The following CTU2 variants were observed in gnomAD, a reference collection of about 807,000 sequenced individuals.
CTU2 encodes cytosolic thiouridylase subunit 2.
CTU2 carries 80 observed loss-of-function variants against 64.1 expected under a neutral mutation model. The ratio of observed to expected loss-of-function variants is 1.25; its 90% CI spans 1.04 to 1.50. The LOEUF (loss-of-function observed/expected upper bound fraction) is 1.50. CTU2 is among the 40% of genes most tolerant of loss of function. The probability of loss-of-function intolerance (pLI) is 0.00; values close to 1 mark genes in which losing one functional copy is unlikely to be tolerated. For synonymous variants in CTU2, 482 were observed against 285.3 expected (o/e 1.69, Z -6.95); for missense variants, 1,110 against 690.2 (o/e 1.61, Z -6.81).
At chr16:88,706,729 G>C (rs1022239059) in intron 1 of CTU2, 131 bp downstream of exon 1, 1 of 641,286 alleles carries the variant, frequency 1.6e-6, no homozygotes, top group South Asian at 2.7e-5. Flanking sequence ...CTAGCACTCG[G>C]GGAATGCCTG....
At chr16:88,708,136 C>T (rs1235329320) in intron 2 of CTU2, among the ~76,000 whole-genome samples, 2 of 152,164 alleles carry the variant, frequency 1.3e-5, no homozygotes, top group African/African-American at 2.4e-5. Context: ...TCTTTAACCA[C>T]CCAGGAGCAT....
intron 5 of CTU2, 146 bp from the exon 6 acceptor site, chr16:88,712,128 A>G (rs1269956690): frequency 2.1e-5 from 16 of 756,998 alleles, no homozygotes; most frequent in Non-Finnish European, 3.7e-5. Context: ...TGCCCAAAGG[A>G]AAATGGCCGA....
At position 88,713,439 on chromosome 16, in the gene CTU2, TGGG is replaced by T; in HGVS notation, c.866_868del (p.Trp289_Asp290delinsTyr). ...GCTGGGTCGAGGGGCCTTCCTGGCC[TGGG>T]ATACGGTAGGCAGGGGCCTGGGTGT... On this transcript the variant is annotated inframe_deletion, in exon 8 of 15. Transcript: ENST00000453996. The T allele has an allele frequency of 6.3e-7, 1 of 1,578,300 alleles. No individual in the cohort carries two copies. Among genetic ancestry groups the T allele is most frequent in the Non-Finnish European group, 8.6e-7 (1 of 1,168,752 alleles).
At chr16:88,706,669 C>A in intron 1 of CTU2, 71 bp downstream of exon 1, 1 of 1,174,304 alleles carries the variant, frequency 8.5e-7, no homozygotes, top group Non-Finnish European at 1.1e-6. Context: ...CGAAGGGTCC[C>A]GGCCGGGCTT....
intron 13 of CTU2, 59 bp downstream of exon 13, chr16:88,714,985 CGTG>C: frequency 1.9e-6 from 3 of 1,600,068 alleles, no homozygotes; most frequent in Non-Finnish European, 2.6e-6. Flanking sequence ...GCCGTCACCT[CGTG>C]GGTGGCTTGA....
intron 4 of CTU2, chr16:88,710,521 G>T (rs1230002245): frequency 1.8e-6 from 1 of 550,020 alleles, no homozygotes; most frequent in African/African-American, 1.9e-5. Flanking sequence ...CAAATCAGAA[G>T]CTGGGTCCAC....
rs1911584025 is a variant in CTU2 at position 88,713,736 on chromosome 16, G to C, written c.963G>C (p.Leu321=). 4 of 1,612,706 alleles carry C rather than the reference G, an allele frequency of 2.5e-6. No individual in the cohort carries two copies. Among genetic ancestry groups the C allele is most frequent in the Non-Finnish European group, 3.4e-6 (4 of 1,179,898 alleles). ...AGGAGGTCGCTTTCTACAACCGCCT[G>C]TTCTCCGTTCCTTCTGTCTTCACAC... is the stretch of plus-strand genomic sequence containing the variant. ...TLKEVAFYNR[L]FSVPSVFTPA... is the part of the protein sequence containing the mutation. The change falls in exon 9 of 15, where the codon CTG becomes CTC. Residue 321 remains leucine (L), a synonymous_variant. Transcript: ENST00000453996.
At position 88,710,262 on chromosome 16, in the gene CTU2, A is replaced by C; in HGVS notation, c.262A>C (p.Met88Leu). 6.2e-7 allele frequency: 1 copy of C among 1,613,912 alleles called. No individual in the cohort carries two copies. Among genetic ancestry groups the C allele is most frequent in the Non-Finnish European group, 8.5e-7 (1 of 1,179,964 alleles). ...AWSGGPSSSSMVWQVLEGLSQ... is the reference protein window; with the variant it reads ...AWSGGPSSSSLVWQVLEGLSQ... ...GTCTGGGGGGCCTTCGTCCAGCTCC[A>C]TGGTCTGGCAGGTTCTTGAGGTGCG... Residue 88 changes from methionine to leucine, a missense_variant, in exon 4 of 15, where the codon ATG becomes CTG. Met to Leu is a conservative substitution (Grantham distance 15). Transcript: ENST00000453996.
intron 5 of CTU2, chr16:88,711,923 C>T (rs147959920): frequency 9.1e-5 from 55 of 604,494 alleles, no homozygotes; most frequent in South Asian, 7.7e-4. Flanking sequence ...CTAAGAACAT[C>T]CTTAGAAAGT....
Position 88,714,856 on chromosome 16 carries a change from G to C in CTU2, c.1353-4G>C, listed in dbSNP as rs372591571. ...TGGGCACACAGCCAGCTCTGCTCCC[G>C]CAGGGAGGACCCCCAAGCCTGCATT... is the stretch of plus-strand genomic sequence containing the variant. On this transcript the variant is annotated splice_region_variant and splice_polypyrimidine_tract_variant and intron_variant, in intron 12 of 14. Transcript: ENST00000453996. 6.2e-7 allele frequency: 1 copy of C among 1,612,558 alleles called. No individual in the cohort carries two copies. The highest frequency in any genetic ancestry group is 1.3e-5 in the African/African-American group (1 of 75,054).
At chr16:88,709,837 A>T in intron 2 of CTU2, 101 bp from the exon 3 acceptor site, 1 of 970,972 alleles carries the variant, frequency 1.0e-6, no homozygotes, top group South Asian at 1.3e-5. Context: ...CTGCTTTTAA[A>T]GATGGAGATT....
chr16:88,713,482 C>A (rs754058083), intron 8 of CTU2, 35 bp downstream of exon 8: 2 of 1,560,618 alleles, frequency 1.3e-6, no homozygotes, highest in Admixed American at 2.1e-5. Flanking sequence ...GAGGCCCATC[C>A]TCACCTTCAC....
rs765200647 is a variant in CTU2 at position 88,712,297 on chromosome 16, C to T, written c.367C>T (p.Leu123=). The T allele has an allele frequency of 3.1e-6, 5 of 1,606,758 alleles. No homozygotes were observed. The highest frequency in any genetic ancestry group is 1.1e-5 in the South Asian group (1 of 89,614). ...AGAGGGAGCAGCCTGTGGCCAGAGC[C>T]TAGAGGAGAGATCAAAGACCCTGGC... ...VDEGAACGQS[L]EERSKTLAEV... Residue 123 remains leucine, a synonymous_variant, in exon 6 of 15, where the codon CTA becomes TTA. Transcript: ENST00000453996.
intron 4 of CTU2, chr16:88,710,898 G>A (rs1381969501): frequency 6.4e-6 from 1 of 155,994 alleles, no homozygotes; most frequent in African/African-American, 2.4e-5. Flanking sequence ...TGGGGGTGGT[G>A]GGGCTGTGCC....
Position 88,710,275 on chromosome 16 carries a change from T to C in CTU2, c.275T>C (p.Val92Ala), listed in dbSNP as rs1302971540. 6.2e-7 allele frequency: 1 copy of C among 1,613,854 alleles called. No homozygotes were observed. The highest frequency in any genetic ancestry group is 8.5e-7 in the Non-Finnish European group (1 of 1,179,986). The change falls in exon 4 of 15, where the codon GTT becomes GCT. Residue 92 changes from valine (V) to alanine (A), a missense_variant. Physicochemically the swap from Val to Ala is moderately conservative, Grantham distance 64. Coordinates refer to ENST00000453996, the MANE Select transcript of CTU2 (RefSeq NM_001012759.3). ...TCGTCCAGCTCCATGGTCTGGCAGGTTCTTGAGGTGCGTGTTCACCACCCC... is the reference window on the plus strand; with the variant it reads ...TCGTCCAGCTCCATGGTCTGGCAGGCTCTTGAGGTGCGTGTTCACCACCCC... ...GPSSSSMVWQ[V>A]LEGLSQDSAK... is the part of the protein sequence containing the mutation.
Position 88,711,643 on chromosome 16 carries a change from C to T in CTU2, c.291C>T (p.Ser97=), listed in dbSNP as rs536962265. The stretch of plus-strand genomic sequence containing the variant: ...GCTGCTTCTCCCTCTAGGGCCTGAG[C>T]CAAGATTCTGCCAAAAGACTGCGCT... The part of the protein sequence containing the change: ...SMVWQVLEGL[S]QDSAKRLRFV... The change falls in exon 5 of 15, where the codon AGC becomes AGT. Residue 97 remains serine (S), a synonymous_variant. Coordinates refer to ENST00000453996, the MANE Select transcript of CTU2 (RefSeq NM_001012759.3). 12 of 1,605,358 alleles carry T rather than the reference C, an allele frequency of 7.5e-6. No homozygotes were observed. The highest frequency in any genetic ancestry group is 1.0e-5 in the Non-Finnish European group (12 of 1,174,542).
chr16:88,706,892 T>C (rs537948197), intron 1 of CTU2: 24 of 574,298 alleles, frequency 4.2e-5, no homozygotes, highest in African/African-American at 3.4e-4. Context: ...CGTGTCAGCC[T>C]TGGGAGACTG....
In CTU2 at chr16:88,714,923, C is replaced by T. The variant is rs191989745; in HGVS notation, c.1416C>T (p.Asp472=). The T allele has an allele frequency of 1.9e-6, 3 of 1,612,662 alleles. No individual in the cohort carries two copies. Among genetic ancestry groups the T allele is most frequent in the African/African-American group, 1.3e-5 (1 of 75,062 alleles). The change falls in exon 13 of 15, where the codon GAC becomes GAT. Residue 472 remains aspartate (D), a synonymous_variant. Coordinates refer to ENST00000453996, the MANE Select transcript of CTU2 (RefSeq NM_001012759.3). ...LCYSCRVNMK[D]LPSLDPLPPY... is the part of the protein sequence containing the mutation. The stretch of plus-strand genomic sequence containing the variant: ...ACAGCTGCCGCGTGAACATGAAGGA[C>T]TTGGTGAGTACGTGCCCACCTGTCC...
rs1481794173 is a variant in CTU2, at chr16:88,715,355, A to G, written c.*104A>G. The G allele has an allele frequency of 8.0e-7, 1 of 1,248,274 alleles. No homozygotes were observed. The highest frequency in any genetic ancestry group is 2.5e-5 in the East Asian group (1 of 39,614). 77.3% of individuals were successfully genotyped at this position (1,248,274 alleles called of 1,614,324 possible). A position where few individuals can be genotyped will look rare whatever the true frequency, so the allele number is the denominator to read the frequency against. On this transcript the variant is annotated 3_prime_UTR_variant, in exon 15 of 15. Coordinates refer to ENST00000453996, the MANE Select transcript of CTU2 (RefSeq NM_001012759.3). ...GACTGGCCTCTGATTGTCCATTTGT[A>G]TAAATAAAACATTTTTTAATTAAAA...
Sources: gnomAD v4.1 joint callset for allele counts (sites outside exome capture counted in the v4.1 genomes callset) on GRCh38, gnomAD v4.1.1 for gene constraint, MANE v1.5 for transcripts, NCBI Gene and HGNC (gene_info 2026-07-23, HGNC 2026-07-21) for gene names.